The following DENND1B variants were observed in gnomAD, a reference collection of about 807,000 sequenced individuals.
The protein encoded by DENND1B is DENN domain containing 1B, also known as DENN domain-containing protein 1B.
Under a neutral mutation model 90.1 loss-of-function variants are expected in DENND1B, and 59 were observed. The ratio of observed to expected loss-of-function variants is 0.65; its 90% CI spans 0.53 to 0.81. The LOEUF (loss-of-function observed/expected upper bound fraction) is 0.81, where lower values mean the gene tolerates loss of function less well. Among genes scored for constraint, DENND1B ranks in the 40% least tolerant of loss-of-function variants. The pLI is 0.00. For missense variants in DENND1B, 862 were observed against 912.6 expected, an observed-to-expected ratio of 0.94 and a Z score of 0.71; for synonymous variants, 337 against 324.6, an observed-to-expected ratio of 1.04 and a Z score of -0.41.
intron 3 of DENND1B, among the ~76,000 whole-genome samples, chr1:197,677,266 A>G (rs1232816555): frequency 6.6e-6 from 1 of 152,068 alleles, no homozygotes; most frequent in East Asian, 1.9e-4. Context: ...ATCTATACCC[A>G]CAGTTTCAAC....
chr1:197,592,454 A>C (rs186381948), intron 14 of DENND1B, among the ~76,000 whole-genome samples: 1 of 152,304 alleles, frequency 6.6e-6, no homozygotes, highest in East Asian at 1.9e-4. Context: ...TAATTAACAA[A>C]TCATATATGA....
intron 2 of DENND1B, among the ~76,000 whole-genome samples, chr1:197,754,334 G>A (rs1653976439): frequency 6.6e-6 from 1 of 152,024 alleles, no homozygotes. Context: ...AATAATACAA[G>A]TATAAATGAG....
At chr1:197,511,104 T>G in intron 22 of DENND1B, 132 bp from the exon 23 acceptor site, 1 of 996,752 alleles carries the variant, frequency 1.0e-6, no homozygotes, top group Non-Finnish European at 1.4e-6. Flanking sequence ...AGAGTCAATT[T>G]TAAACATTTC....
intron 15 of DENND1B, among the ~76,000 whole-genome samples, chr1:197,568,109 T>A (rs1672843418): frequency 6.6e-6 from 1 of 151,948 alleles, no homozygotes; most frequent in African/African-American, 2.4e-5. Flanking sequence ...TGCGGAAAAC[T>A]CTAAAGACTT....
At chr1:197,699,462 G>C (rs1658796447) in intron 3 of DENND1B, among the ~76,000 whole-genome samples, 1 of 152,016 alleles carries the variant, frequency 6.6e-6, no homozygotes, top group South Asian at 2.1e-4. Flanking sequence ...TCACTGAATG[G>C]GCAAAAGCTG....
rs957018753 is a variant in DENND1B at position 197,513,185 on chromosome 1, A to C, written c.1516-232T>G. 6.1e-5 allele frequency among the ~76,000 whole-genome samples: 8 copies of C among 131,606 alleles called. No individual in the cohort carries two copies. In the East Asian group the frequency reaches 6.8e-4, roughly 11 times the overall value. 86.3% of individuals were successfully genotyped at this position (131,606 alleles called of 152,430 possible). A position where few individuals can be genotyped will look rare whatever the true frequency, so the allele number is the denominator to read the frequency against. Reference sequence around the variant, plus strand: ...TCTCAAACCAATAAAAAAAAAAAAAACCCAACAGATCACTGGATTGAATAC... The same window carrying C: ...TCTCAAACCAATAAAAAAAAAAAAACCCCAACAGATCACTGGATTGAATAC... On this transcript the variant is annotated intron_variant, in intron 20 of 22. Transcript: ENST00000620048.
At chr1:197,662,221 T>A (rs1654475761) in intron 5 of DENND1B, among the ~76,000 whole-genome samples, 1 of 152,108 alleles carries the variant, frequency 6.6e-6, no homozygotes, top group African/African-American at 2.4e-5. Context: ...TTGGGGAGTA[T>A]AACTCACTAG....
rs538109370 is a variant in DENND1B at position 197,697,431 on chromosome 1, A to G, written c.126+17600T>C. Among the ~76,000 whole-genome samples the G allele has an allele frequency of 3.5e-4, 53 of 151,882 alleles. No homozygotes were observed. The South Asian group carries it at 0.01, about 29-fold the overall frequency. On this transcript the variant is annotated intron_variant, in intron 3 of 22. Coordinates refer to ENST00000620048, the MANE Select transcript of DENND1B (RefSeq NM_001195215.2). ...TTCATCATTCTGTCTTTCTGCTACAATAGGGTATCACACTCAATTATCTGA... is the reference window on the plus strand; with the variant it reads ...TTCATCATTCTGTCTTTCTGCTACAGTAGGGTATCACACTCAATTATCTGA...
chr1:197,563,789 T>A (rs1448349605), intron 15 of DENND1B, among the ~76,000 whole-genome samples: 4 of 151,938 alleles, frequency 2.6e-5, no homozygotes, highest in Non-Finnish European at 5.9e-5. Flanking sequence ...CTGGAAAGGA[T>A]TCACCATTCT....
chr1:197,766,269 A>G (rs1052841583), intron 2 of DENND1B, among the ~76,000 whole-genome samples: 2 of 152,188 alleles, frequency 1.3e-5, no homozygotes, highest in African/African-American at 4.8e-5. Context: ...TAGCTTATAC[A>G]GTTTGCATTA....
chr1:197,552,035 C>A (rs1671281647), intron 16 of DENND1B, among the ~76,000 whole-genome samples: 1 of 152,012 alleles, frequency 6.6e-6, no homozygotes, highest in African/African-American at 2.4e-5. Flanking sequence ...TCAATGGTTT[C>A]TATATTTTCA....
chr1:197,562,863 C>T (rs1445713334), intron 15 of DENND1B, among the ~76,000 whole-genome samples: 7 of 151,876 alleles, frequency 4.6e-5, no homozygotes, highest in South Asian at 4.1e-4. Context: ...AGTGCCCACA[C>T]GAATGACAAG....
At chr1:197,646,106 A>C (rs1212163378) in intron 8 of DENND1B, among the ~76,000 whole-genome samples, 2 of 151,926 alleles carry the variant, frequency 1.3e-5, no homozygotes, top group East Asian at 3.8e-4. Flanking sequence ...ACACCTATAC[A>C]TACATATAAA....
intron 13 of DENND1B, among the ~76,000 whole-genome samples, chr1:197,598,330 T>C (rs1675894089): frequency 6.6e-6 from 1 of 151,838 alleles, no homozygotes; most frequent in Non-Finnish European, 1.5e-5. Context: ...TGCTCAAAAA[T>C]AGTCTGTAAG....
At chr1:197,604,650 T>A (rs530387890) in intron 13 of DENND1B, among the ~76,000 whole-genome samples, 2 of 151,270 alleles carry the variant, frequency 1.3e-5, no homozygotes, top group South Asian at 4.2e-4. Flanking sequence ...CCCCCCCCAA[T>A]TAAATCTCAG....
chr1:197,592,451 C>T (rs1376733188), intron 14 of DENND1B, among the ~76,000 whole-genome samples: 1 of 151,988 alleles, frequency 6.6e-6, no homozygotes, highest in Non-Finnish European at 1.5e-5. Context: ...ATGTAATTAA[C>T]AAATCATATA....
Position 197,703,074 on chromosome 1 carries a change from G to A in DENND1B, c.126+11957C>T, listed in dbSNP as rs1356338176. On this transcript the variant is annotated intron_variant, in intron 3 of 22. Coordinates refer to ENST00000620048, the MANE Select transcript of DENND1B (RefSeq NM_001195215.2). Reference sequence around the variant, plus strand: ...AGCATCTCAGCTCACTGCAACCTCCGCCTCCCTGGTTCAAGTAATTCTCCT... The same window carrying A: ...AGCATCTCAGCTCACTGCAACCTCCACCTCCCTGGTTCAAGTAATTCTCCT... Among the ~76,000 whole-genome samples, 9 of 151,866 alleles carry A rather than the reference G, an allele frequency of 5.9e-5. No homozygotes were observed. In the East Asian group the frequency reaches 7.7e-4, roughly 13 times the overall value.
chr1:197,631,141 T>C (rs1679287472), intron 10 of DENND1B, among the ~76,000 whole-genome samples: 1 of 152,162 alleles, frequency 6.6e-6, no homozygotes, highest in Non-Finnish European at 1.5e-5. Flanking sequence ...AGTGTAACAC[T>C]ACAACACTCC....
Position 197,507,348 on chromosome 1 carries a change from TTTAA to T in DENND1B, c.*3108_*3111del, listed in dbSNP as rs933395824. ...TTAAATGAACATGTTATTAACTAATTTTAATTAACTGAAAAAATAATCATGCTAT... is the reference window on the plus strand; with the variant it reads ...TTAAATGAACATGTTATTAACTAATTTTAACTGAAAAAATAATCATGCTAT... On this transcript the variant is annotated 3_prime_UTR_variant, in exon 23 of 23. Transcript: ENST00000620048. 7.9e-5 allele frequency: 12 copies of T among 151,354 alleles called. No homozygotes were observed. The highest frequency in any genetic ancestry group is 5.9e-4 in the Admixed American group (9 of 15,134). 9.4% of individuals were successfully genotyped at this position (151,354 alleles called of 1,614,324 possible).
Sources: gnomAD v4.1 joint callset for allele counts (sites outside exome capture counted in the v4.1 genomes callset) on GRCh38, gnomAD v4.1.1 for gene constraint, MANE v1.5 for transcripts, NCBI Gene and HGNC (gene_info 2026-07-23, HGNC 2026-07-21) for gene names.